Variants in SPAG16 observed in about 807,000 individuals in gnomAD.
SPAG16 encodes the protein sperm-associated antigen 16 protein.
A neutral mutation model predicts 80.4 loss-of-function variants in SPAG16; 86 were observed. The ratio of observed to expected loss-of-function variants is 1.07; its 90% CI spans 0.90 to 1.28. The LOEUF (loss-of-function observed/expected upper bound fraction) is 1.28. Ranked by LOEUF, SPAG16 falls within the 50% of genes most tolerant of loss-of-function variation. SPAG16 has a pLI of 0.00. For missense variants in SPAG16, 870 were observed against 765.3 expected (o/e 1.14, Z -1.61); for synonymous variants, 294 against 265.9 (o/e 1.11, Z -1.03).
At chr2:213,843,027 C>G (rs138475792) in intron 10 of SPAG16, among the ~76,000 whole-genome samples, 2,230 of 152,200 alleles carry the variant, frequency 0.015, 45 homozygotes, top group Non-Finnish European at 0.02. Flanking sequence ...ACTTTGGCTT[C>G]CCAAAATGCT....
At chr2:214,270,364 T>C (rs1691901631) in intron 15 of SPAG16, among the ~76,000 whole-genome samples, 1 of 152,154 alleles carries the variant, frequency 6.6e-6, no homozygotes, top group South Asian at 2.1e-4. Flanking sequence ...TTTGTGGGTA[T>C]TTTTTACTTT....
At chr2:213,351,964 G>A (rs1222304333) in intron 7 of SPAG16, among the ~76,000 whole-genome samples, 1 of 152,060 alleles carries the variant, frequency 6.6e-6, no homozygotes, top group Non-Finnish European at 1.5e-5. Context: ...GAATCATGGG[G>A]GTGGTTTCTC....
chr2:214,132,306 A>T (rs2125500935), intron 14 of SPAG16, among the ~76,000 whole-genome samples: 1 of 152,358 alleles, frequency 6.6e-6, no homozygotes, highest in Middle Eastern at 3.4e-3. Flanking sequence ...GTACTGTCCA[A>T]TAGAACTTTC....
chr2:214,042,991 T>C (rs2049118363), intron 13 of SPAG16, among the ~76,000 whole-genome samples: 1 of 152,146 alleles, frequency 6.6e-6, no homozygotes, highest in Admixed American at 6.6e-5. Context: ...ATCAGACTTA[T>C]AAGAATCTGA....
intron 9 of SPAG16, among the ~76,000 whole-genome samples, chr2:213,425,695 G>T (rs1055644423): frequency 6.7e-6 from 1 of 148,840 alleles, no homozygotes; most frequent in Non-Finnish European, 1.5e-5. Context: ...TGCAGGAAAA[G>T]TCGTGTATTT....
intron 10 of SPAG16, among the ~76,000 whole-genome samples, chr2:213,592,315 A>T (rs2060722293): frequency 6.6e-6 from 1 of 152,186 alleles, no homozygotes; most frequent in Admixed American, 6.5e-5. Flanking sequence ...TATGTCTCAG[A>T]TTGAATCGCT....
intron 10 of SPAG16, among the ~76,000 whole-genome samples, chr2:213,856,094 G>C (rs930151257): frequency 6.6e-6 from 1 of 152,168 alleles, no homozygotes; most frequent in Non-Finnish European, 1.5e-5. Context: ...AGACACACTG[G>C]GGATACAGGC....
chr2:213,513,235 A>G (rs1044846755), intron 10 of SPAG16, among the ~76,000 whole-genome samples: 2 of 152,142 alleles, frequency 1.3e-5, no homozygotes, highest in South Asian at 4.1e-4. Flanking sequence ...TCTATGCCCT[A>G]TATTTTCAAA....
At chr2:214,043,592 A>G (rs181947132) in intron 13 of SPAG16, among the ~76,000 whole-genome samples, 1 of 152,282 alleles carries the variant, frequency 6.6e-6, no homozygotes, top group East Asian at 1.9e-4. Flanking sequence ...GGAAATGGGG[A>G]AAAAACTCAG....
chr2:213,606,398 T>G (rs752084000), intron 10 of SPAG16, among the ~76,000 whole-genome samples: 19 of 152,334 alleles, frequency 1.2e-4, no homozygotes, highest in Middle Eastern at 6.8e-3. Flanking sequence ...TTCTAGCTGA[T>G]TCACATTTTC....
chr2:214,216,871 A>G (rs1434840846), intron 15 of SPAG16, among the ~76,000 whole-genome samples: 2 of 152,248 alleles, frequency 1.3e-5, no homozygotes, highest in Non-Finnish European at 2.9e-5. Context: ...GGCAGGTATT[A>G]TGTTGAAGGA....
intron 10 of SPAG16, among the ~76,000 whole-genome samples, chr2:213,677,585 G>A (rs1371098092): frequency 1.3e-5 from 2 of 152,024 alleles, no homozygotes; most frequent in Non-Finnish European, 2.9e-5. Flanking sequence ...AAATATATAT[G>A]CACCCAATAC....
chr2:213,519,797 T>C (rs1445946096), intron 10 of SPAG16, among the ~76,000 whole-genome samples: 1 of 152,180 alleles, frequency 6.6e-6, no homozygotes, highest in East Asian at 1.9e-4. Context: ...CATGTTTTCA[T>C]AGTATACTCT....
At chr2:213,965,086 G>A (rs1296923260) in intron 12 of SPAG16, among the ~76,000 whole-genome samples, 1 of 152,116 alleles carries the variant, frequency 6.6e-6, no homozygotes, top group Non-Finnish European at 1.5e-5. Flanking sequence ...CCCTGGACTT[G>A]TTTGTTTATT....
chr2:213,860,427 ATC>A (rs1244326089), intron 10 of SPAG16, among the ~76,000 whole-genome samples: 9 of 50,010 alleles, frequency 1.8e-4, no homozygotes, highest in Middle Eastern at 0.013. Context: ...ATGTGTGTAT[ATC>A]TATATATTTA....
chr2:214,063,231 A>G (rs1279477051), intron 13 of SPAG16, among the ~76,000 whole-genome samples: 7 of 152,216 alleles, frequency 4.6e-5, no homozygotes, highest in Non-Finnish European at 1.0e-4. Context: ...CTCCAGGCAC[A>G]TTGGTTTCCT....
intron 15 of SPAG16, among the ~76,000 whole-genome samples, chr2:214,219,037 T>TA (rs781206722): frequency 2.0e-5 from 3 of 152,204 alleles, no homozygotes; most frequent in African/African-American, 4.8e-5. Flanking sequence ...AGGGCTTATT[T>TA]AAAAAATAAC....
chr2:213,368,327 T>C (rs374998502), intron 8 of SPAG16, among the ~76,000 whole-genome samples: 3 of 152,188 alleles, frequency 2.0e-5, no homozygotes, highest in Admixed American at 6.5e-5. Flanking sequence ...CTGTGAAGAA[T>C]GTCATTGGTA....
At chr2:213,311,001 G>A (rs2063165184) in intron 4 of SPAG16, among the ~76,000 whole-genome samples, 1 of 151,620 alleles carries the variant, frequency 6.6e-6, no homozygotes, top group African/African-American at 2.4e-5. Flanking sequence ...TACTCATCCA[G>A]CTGTGGTATA....
Sources: gnomAD v4.1 joint callset for allele counts (sites outside exome capture counted in the v4.1 genomes callset) on GRCh38, gnomAD v4.1.1 for gene constraint, MANE v1.5 for transcripts, NCBI Gene and HGNC (gene_info 2026-07-23, HGNC 2026-07-21) for gene names.